The following PDE3B variants were observed in gnomAD, a reference collection of about 807,000 sequenced individuals.
The protein encoded by PDE3B is phosphodiesterase 3B.
In PDE3B, 66 loss-of-function variants were observed where a neutral mutation model predicts 116.8. The ratio of observed to expected loss-of-function variants is 0.56; its 90% confidence interval spans 0.46 to 0.69. PDE3B has a LOEUF of 0.69. PDE3B is among the 30% of genes least tolerant of loss of function. PDE3B has a pLI of 0.00. For synonymous variants in PDE3B, 595 were observed against 533.6 expected, an observed-to-expected ratio of 1.12 and a Z score of -1.59; for missense variants, 1,384 against 1,368.1, an observed-to-expected ratio of 1.01 and a Z score of -0.18.
intron 2 of PDE3B, among the ~76,000 whole-genome samples, chr11:14,781,767 T>G (rs1424430526): frequency 6.6e-6 from 1 of 152,128 alleles, no homozygotes; most frequent in Non-Finnish European, 1.5e-5. Flanking sequence ...GGGGTGCCTC[T>G]CTCTCACCAC....
chr11:14,878,927 C>A, the PDE3B span, among the ~76,000 whole-genome samples: 2 of 152,046 alleles, frequency 1.3e-5, no homozygotes, highest in South Asian at 4.1e-4. Context: ...TAAATTAAGG[C>A]TTATATTAAG....
intron 1 of PDE3B, among the ~76,000 whole-genome samples, chr11:14,730,783 C>T (rs1409742344): frequency 2.6e-5 from 4 of 152,120 alleles, no homozygotes; most frequent in African/African-American, 9.7e-5. Context: ...AGAATGAGCT[C>T]TAAAAGTATA....
chr11:14,678,331 A>G (rs1384157627), intron 1 of PDE3B, among the ~76,000 whole-genome samples: 1 of 152,058 alleles, frequency 6.6e-6, no homozygotes, highest in African/African-American at 2.4e-5. Flanking sequence ...TGTGAACATT[A>G]GTTTTTATTC....
intron 4 of PDE3B, among the ~76,000 whole-genome samples, chr11:14,789,980 A>T (rs553894510): frequency 6.6e-6 from 1 of 152,030 alleles, no homozygotes; most frequent in African/African-American, 2.4e-5. Flanking sequence ...TGTTAATATA[A>T]TATTGGAATT....
At chr11:14,668,217 T>C (rs539460191) in intron 1 of PDE3B, among the ~76,000 whole-genome samples, 1 of 152,272 alleles carries the variant, frequency 6.6e-6, no homozygotes, top group African/African-American at 2.4e-5. Context: ...AACAGAGTCC[T>C]ACTTAAGCTC....
chr11:14,764,121 A>G (rs572121841), intron 1 of PDE3B, among the ~76,000 whole-genome samples: 2 of 152,116 alleles, frequency 1.3e-5, no homozygotes, highest in Admixed American at 6.6e-5. Context: ...AAGAGTGGAC[A>G]TGGTGTTTTT....
At chr11:14,679,810 C>T (rs1468200604) in intron 1 of PDE3B, among the ~76,000 whole-genome samples, 1 of 151,962 alleles carries the variant, frequency 6.6e-6, no homozygotes, top group Non-Finnish European at 1.5e-5. Flanking sequence ...CCCACCTAGC[C>T]TCCAGTTCCT....
intron 1 of PDE3B, among the ~76,000 whole-genome samples, chr11:14,744,476 G>A (rs1020818120): frequency 3.3e-5 from 5 of 152,084 alleles, no homozygotes; most frequent in African/African-American, 1.2e-4. Flanking sequence ...GCAATGTTTT[G>A]TAGTTTTCAT....
intron 1 of PDE3B, among the ~76,000 whole-genome samples, chr11:14,721,094 C>A (rs1413591439): frequency 6.8e-6 from 1 of 146,144 alleles, no homozygotes; most frequent in African/African-American, 2.5e-5. Flanking sequence ...AACAAACAAC[C>A]CCATCAAAAA....
At chr11:14,746,818 G>C (rs1392187133) in intron 1 of PDE3B, among the ~76,000 whole-genome samples, 1 of 152,188 alleles carries the variant, frequency 6.6e-6, no homozygotes, top group Non-Finnish European at 1.5e-5. Context: ...AATTTTGGAA[G>C]ATCCTATTTG....
intron 1 of PDE3B, among the ~76,000 whole-genome samples, chr11:14,755,357 A>G (rs1857156921): frequency 6.6e-6 from 1 of 152,210 alleles, no homozygotes; most frequent in African/African-American, 2.4e-5. Context: ...CTGTGCAATC[A>G]AGGAACTTCC....
intron 1 of PDE3B, among the ~76,000 whole-genome samples, chr11:14,743,560 G>A (rs890751059): frequency 1.3e-5 from 2 of 152,172 alleles, no homozygotes; most frequent in African/African-American, 4.8e-5. Context: ...CCCTTTCCAG[G>A]GTAGTGAACA....
intron 11 of PDE3B, among the ~76,000 whole-genome samples, chr11:14,840,454 A>G (rs547748297): frequency 3.3e-5 from 5 of 152,184 alleles, no homozygotes; most frequent in Non-Finnish European, 5.9e-5. Flanking sequence ...AGAATTACTT[A>G]CAAGATTAGT....
At position 14,664,925 on chromosome 11, in the gene PDE3B, G is replaced by GCT. The variant is rs1590043542; in HGVS notation, c.978+19873_978+19874insTC. On this transcript the variant is annotated intron_variant, in intron 1 of 15. Coordinates refer to ENST00000282096, the MANE Select transcript of PDE3B (RefSeq NM_000922.4). ...CTCCCTAACTCATTTTATGAGACCA[G>GCT]CATCATCCTGATACCAAAGCCGGGC... 1.3e-5 allele frequency among the ~76,000 whole-genome samples: 2 copies of GCT among 152,244 alleles called. 1 individual carries two copies. Among genetic ancestry groups the GCT allele is most frequent in the East Asian group, 3.9e-4 (2 of 5,182 alleles).
chr11:14,672,187 CCTTTT>C (rs1385647622), intron 1 of PDE3B, among the ~76,000 whole-genome samples: 1 of 151,194 alleles, frequency 6.6e-6, no homozygotes, highest in Non-Finnish European at 1.5e-5. Context: ...ATGTCTTATC[CCTTTT>C]CTTATTATTT....
chr11:14,718,414 A>G (rs1855978854), intron 1 of PDE3B, among the ~76,000 whole-genome samples: 1 of 145,682 alleles, frequency 6.9e-6, no homozygotes, highest in Non-Finnish European at 1.5e-5. Context: ...CTCTGCACCA[A>G]GTGGACCTAA....
At chr11:14,689,246 C>A (rs1854979841) in intron 1 of PDE3B, among the ~76,000 whole-genome samples, 1 of 151,978 alleles carries the variant, frequency 6.6e-6, no homozygotes, top group South Asian at 2.1e-4. Context: ...AAAGTACTCC[C>A]AAGTATTATG....
chr11:14,666,644 A>C (rs1455295447), intron 1 of PDE3B, among the ~76,000 whole-genome samples: 2 of 151,898 alleles, frequency 1.3e-5, no homozygotes, highest in Non-Finnish European at 2.9e-5. Flanking sequence ...GACACTTCTC[A>C]AAAGAAGACA....
At chr11:14,847,760 CACAT>C (rs1217609078) in intron 12 of PDE3B, among the ~76,000 whole-genome samples, 2 of 152,172 alleles carry the variant, frequency 1.3e-5, no homozygotes, top group Non-Finnish European at 1.5e-5. Flanking sequence ...CATTCCTCGA[CACAT>C]ACACCCTCCC....
Sources: gnomAD v4.1 joint callset for allele counts (sites outside exome capture counted in the v4.1 genomes callset) on GRCh38, gnomAD v4.1.1 for gene constraint, MANE v1.5 for transcripts, NCBI Gene and HGNC (gene_info 2026-07-23, HGNC 2026-07-21) for gene names.